ZSWIM5: variants seen among roughly 807,000 people sequenced by gnomAD.
The protein encoded by ZSWIM5 is zinc finger SWIM-type containing 5, also known as zinc finger SWIM domain-containing protein 5.
In ZSWIM5, 55 loss-of-function variants were observed where a neutral mutation model predicts 119.6. That is an observed-to-expected ratio of 0.46 (90% CI 0.37 to 0.58). The LOEUF is 0.58. Among genes scored for constraint, ZSWIM5 ranks in the 20% least tolerant of loss-of-function variants. ZSWIM5 has a pLI of 0.00. For missense variants in ZSWIM5, 1,193 were observed against 1,512.8 expected (o/e 0.79, Z 3.51); for synonymous variants, 537 against 606.9 (o/e 0.88, Z 1.69).
At chr1:45,115,720 C>T (rs1423434765) in intron 1 of ZSWIM5, among the ~76,000 whole-genome samples, 1 of 149,988 alleles carries the variant, frequency 6.7e-6, no homozygotes, top group African/African-American at 2.5e-5. Flanking sequence ...ACGCTCGTCA[C>T]TTCCCAGACG....
rs372849196 is a variant in ZSWIM5, at chr1:45,072,599, T to C, written c.953-12352A>G. On this transcript the variant is annotated intron_variant, in intron 2 of 13. Transcript: ENST00000359600. The surrounding 1 kb of genome is among the most constrained non-coding windows in gnomAD (Gnocchi z 4.1). ...AATCCATTTTTATCTGATTTTTGTA[T>C]ATGGCTAGAGATAGGGGTCTAGTTT... is the stretch of plus-strand genomic sequence containing the variant. Among the ~76,000 whole-genome samples, 4 of 152,158 alleles carry C rather than the reference T, an allele frequency of 2.6e-5. No individual in the cohort carries two copies. In the East Asian group the frequency reaches 5.8e-4, roughly 22 times the overall value.
At chr1:45,165,450 A>G (rs1337385660) in intron 1 of ZSWIM5, among the ~76,000 whole-genome samples, 1 of 152,116 alleles carries the variant, frequency 6.6e-6, no homozygotes, top group East Asian at 1.9e-4. Flanking sequence ...AGCAGAAGGT[A>G]AGAAATAACT....
At chr1:45,089,261 C>T (rs1475733487) in intron 1 of ZSWIM5, among the ~76,000 whole-genome samples, 7 of 152,040 alleles carry the variant, frequency 4.6e-5, no homozygotes, top group East Asian at 3.9e-4. Flanking sequence ...GGATTACAGG[C>T]GTGAGCCACC....
intron 1 of ZSWIM5, among the ~76,000 whole-genome samples, chr1:45,162,629 T>C (rs779078372): frequency 1.2e-4 from 18 of 152,206 alleles, no homozygotes; most frequent in Admixed American, 9.8e-4. Context: ...CCTAATACTG[T>C]GCTTTTCCAA....
At chr1:45,085,528 GTTT>G (rs771375917) in intron 2 of ZSWIM5, among the ~76,000 whole-genome samples, 4 of 112,724 alleles carry the variant, frequency 3.5e-5, no homozygotes, top group Non-Finnish European at 5.6e-5. Flanking sequence ...TAGTTTGTTT[GTTT>G]TTTTTTTTTT....
intron 1 of ZSWIM5, among the ~76,000 whole-genome samples, chr1:45,091,214 A>C (rs2149012913): frequency 6.6e-6 from 1 of 152,340 alleles, no homozygotes; most frequent in South Asian, 2.1e-4. Flanking sequence ...ACTAGGTGCT[A>C]AGAAAGTACA....
At position 45,036,313 on chromosome 1, in the gene ZSWIM5, G is replaced by T. The variant is rs938645380; in HGVS notation, c.1895-14C>A. Reference sequence around the variant, plus strand: ...TTTCATTCATATCTGAGGGCAACAGGGCACCAAATTCTTTAGGTTAGGCTT... The same window carrying T: ...TTTCATTCATATCTGAGGGCAACAGTGCACCAAATTCTTTAGGTTAGGCTT... On this transcript the variant is annotated splice_polypyrimidine_tract_variant and intron_variant, in intron 8 of 13. Coordinates refer to ENST00000359600, the MANE Select transcript of ZSWIM5 (RefSeq NM_020883.2). 6.2e-7 allele frequency: 1 copy of T among 1,604,648 alleles called. No homozygotes were observed. Among genetic ancestry groups the T allele is most frequent in the Non-Finnish European group, 8.5e-7 (1 of 1,175,460 alleles).
chr1:45,102,490 G>C (rs1421251460), intron 1 of ZSWIM5, among the ~76,000 whole-genome samples: 1 of 152,154 alleles, frequency 6.6e-6, no homozygotes, highest in Non-Finnish European at 1.5e-5. Context: ...TATAGTACTT[G>C]ACATCAATGT....
intron 1 of ZSWIM5, among the ~76,000 whole-genome samples, chr1:45,134,816 T>A (rs189613598): frequency 6.6e-6 from 1 of 152,366 alleles, no homozygotes; most frequent in African/African-American, 2.4e-5. Context: ...ATACTTCATA[T>A]GAATAGAATC....
chr1:45,159,725 A>G (rs573274678), intron 1 of ZSWIM5, among the ~76,000 whole-genome samples: 1 of 152,116 alleles, frequency 6.6e-6, no homozygotes, highest in South Asian at 2.1e-4. Flanking sequence ...AGTAGCTGGG[A>G]TTACAGGTGC....
intron 7 of ZSWIM5, among the ~76,000 whole-genome samples, chr1:45,039,366 C>T (rs1348962461): frequency 1.3e-5 from 2 of 152,210 alleles, no homozygotes; most frequent in East Asian, 3.8e-4. Context: ...AGGCACATGC[C>T]ACCATGCCCT....
chr1:45,125,788 C>T (rs1284111827), intron 1 of ZSWIM5, among the ~76,000 whole-genome samples: 5 of 148,828 alleles, frequency 3.4e-5, no homozygotes, highest in African/African-American at 1.0e-4. Context: ...AAAGGAAGGC[C>T]GGCACAATGG....
At chr1:45,075,630 A>G (rs1468252031) in intron 2 of ZSWIM5, among the ~76,000 whole-genome samples, 1 of 151,750 alleles carries the variant, frequency 6.6e-6, no homozygotes, top group Non-Finnish European at 1.5e-5. Flanking sequence ...TAGGTAACAG[A>G]TCACTGGGTC....
intron 1 of ZSWIM5, among the ~76,000 whole-genome samples, chr1:45,203,497 T>C (rs772857972): frequency 6.6e-6 from 1 of 152,070 alleles, no homozygotes; most frequent in Middle Eastern, 3.2e-3. Context: ...TGAGGTTCTA[T>C]CGTTTAGAAA....
intron 1 of ZSWIM5, among the ~76,000 whole-genome samples, chr1:45,200,268 T>A (rs987639277): frequency 6.6e-6 from 1 of 152,180 alleles, no homozygotes; most frequent in Non-Finnish European, 1.5e-5. Context: ...TAATTTAGCG[T>A]ATAATCACAT....
rs1194166584 is a variant in ZSWIM5, at chr1:45,206,422, A to ACGCGCCC, written c.-79_-73dup. ...TGCGGCGGAGACCCTGGCCACGGCC[A>ACGCGCCC]CGCGCCCCGCGCAAGCGCCCAGCGG... On this transcript the variant is annotated 5_prime_UTR_variant, in exon 1 of 14. Coordinates refer to ENST00000359600, the MANE Select transcript of ZSWIM5 (RefSeq NM_020883.2). 2.4e-6 allele frequency: 3 copies of ACGCGCCC among 1,267,524 alleles called. No individual in the cohort carries two copies. Among genetic ancestry groups the ACGCGCCC allele is most frequent in the African/African-American group, 3.1e-5 (2 of 64,364 alleles). The allele number at this position is 1,267,524 out of a possible 1,614,324, so 78.5% of individuals were successfully genotyped here.
At chr1:45,101,178 G>T (rs932333220) in intron 1 of ZSWIM5, among the ~76,000 whole-genome samples, 4 of 146,170 alleles carry the variant, frequency 2.7e-5, no homozygotes, top group African/African-American at 9.9e-5. Flanking sequence ...AATCTACAAA[G>T]AACTTAAACA....
At chr1:45,076,058 T>A (rs1284261867) in intron 2 of ZSWIM5, among the ~76,000 whole-genome samples, 4 of 152,212 alleles carry the variant, frequency 2.6e-5, no homozygotes, top group Admixed American at 6.5e-5. Context: ...TTGTTGTTAC[T>A]ACTTTTATCT....
chr1:45,099,533 T>C (rs988085319), intron 1 of ZSWIM5, among the ~76,000 whole-genome samples: 4 of 152,144 alleles, frequency 2.6e-5, no homozygotes, highest in African/African-American at 4.8e-5. Context: ...CAGGGAATCC[T>C]CCCTAACTCA....
Sources: allele counts gnomAD v4.1 joint callset (sites outside exome capture counted in the v4.1 genomes callset), GRCh38; gene constraint gnomAD v4.1.1; non-coding constraint Gnocchi (gnomAD v3.1); transcripts MANE v1.5; gene names NCBI Gene and HGNC (gene_info 2026-07-23, HGNC 2026-07-21).